The following GNG7 variants were observed in gnomAD, a reference collection of about 807,000 sequenced individuals.
GNG7 encodes the protein guanine nucleotide-binding protein G(I)/G(S)/G(O) subunit gamma-7.
Under a neutral mutation model 4.0 loss-of-function variants are expected in GNG7, and 1 was observed. The ratio of observed to expected loss-of-function variants is 0.25; its 90% CI spans 0.09 to 1.18. The LOEUF (loss-of-function observed/expected upper bound fraction) is 1.18. Among genes scored for constraint, GNG7 ranks in the 50% most tolerant of loss-of-function variants. The probability of loss-of-function intolerance (pLI) is 0.50; values close to 1 mark genes in which losing one functional copy is unlikely to be tolerated. For synonymous variants in GNG7, 34 were observed against 36.9 expected (o/e 0.92, Z 0.29); for missense variants, 86 against 91.9 (o/e 0.94, Z 0.26).
chr19:2,584,966 AGGAGGGAGGGAGGGAT>A (rs1980621347), intron 2 of GNG7, among the ~76,000 whole-genome samples: 1 of 66,084 alleles, frequency 1.5e-5, no homozygotes, highest in South Asian at 7.8e-4. Context: ...GAAAGAAGGA[AGGAGGGAGGGAGGGAT>A]GGAGGGAGGG....
At chr19:2,606,240 G>A (rs1005254949) in intron 2 of GNG7, among the ~76,000 whole-genome samples, 8 of 151,990 alleles carry the variant, frequency 5.3e-5, no homozygotes, top group African/African-American at 1.4e-4. Flanking sequence ...TTAGCTGGGC[G>A]TGGTGGTGTG....
At position 2,557,292 on chromosome 19, in the gene GNG7, CAG is replaced by C. The variant is rs1013157155; in HGVS notation, c.-77-2106_-77-2105del. Reference sequence around the variant, plus strand: ...TTGCACACACAGACACGTGCACACACAGAGGTGCACATACACGCACAGACACA... The same window carrying C: ...TTGCACACACAGACACGTGCACACACAGGTGCACATACACGCACAGACACA... On this transcript the variant is annotated intron_variant, in intron 2 of 4. Transcript: ENST00000382159. This position sits in a 1 kb window ranked among gnomAD's most constrained non-coding sequence, Gnocchi z 5.1. Among the ~76,000 whole-genome samples the C allele has an allele frequency of 1.6e-4, 25 of 151,638 alleles. No homozygotes were observed. Among genetic ancestry groups the C allele is most frequent in the African/African-American group, 4.9e-4 (20 of 41,234 alleles).
At chr19:2,599,931 C>A in intron 2 of GNG7, among the ~76,000 whole-genome samples, 1 of 146,384 alleles carries the variant, frequency 6.8e-6, no homozygotes, top group African/African-American at 2.5e-5. Context: ...AGCAAGACTC[C>A]ATCTCAAAAA....
At chr19:2,663,233 C>A (rs1983222558) in intron 1 of GNG7, among the ~76,000 whole-genome samples, 1 of 152,120 alleles carries the variant, frequency 6.6e-6, no homozygotes, top group African/African-American at 2.4e-5. Context: ...CTTTAATTCC[C>A]AATGCCACCA....
intron 2 of GNG7, among the ~76,000 whole-genome samples, chr19:2,571,152 C>T (rs1012784055): frequency 1.3e-5 from 2 of 148,954 alleles, no homozygotes; most frequent in Non-Finnish European, 3.0e-5. Context: ...AACAGGATTC[C>T]ACCCTGGCCT....
intron 1 of GNG7, among the ~76,000 whole-genome samples, chr19:2,650,730 G>A (rs1167749496): frequency 6.6e-6 from 1 of 152,202 alleles, no homozygotes; most frequent in South Asian, 2.1e-4. Flanking sequence ...ACCAGCTGGC[G>A]CCAGGCTGTC....
chr19:2,522,048 C>G (rs1568230375), intron 3 of GNG7, among the ~76,000 whole-genome samples: 1 of 152,142 alleles, frequency 6.6e-6, no homozygotes, highest in Non-Finnish European at 1.5e-5. Context: ...CCCCAGATCT[C>G]ATCTGGGGAT....
rs1982052418 is a variant in GNG7 at position 2,627,573 on chromosome 19, T to C, written c.-78+18651A>G. On this transcript the variant is annotated intron_variant, in intron 2 of 4. Coordinates refer to ENST00000382159, the MANE Select transcript of GNG7 (RefSeq NM_052847.3). ...TGGCTTTCTGTCACTCCCGGCTGAT[T>C]CTGAATTCCCAGTCTCACATGGGCC... 2.0e-5 allele frequency among the ~76,000 whole-genome samples: 3 copies of C among 152,236 alleles called. No individual in the cohort carries two copies. In the South Asian group the frequency reaches 6.2e-4, roughly 31 times the overall value.
intron 3 of GNG7, among the ~76,000 whole-genome samples, chr19:2,525,399 T>C (rs1361032569): frequency 6.6e-6 from 1 of 152,160 alleles, no homozygotes; most frequent in East Asian, 1.9e-4. Flanking sequence ...GCTGGCCTCC[T>C]AGCAAAAGGC....
At position 2,517,522 on chromosome 19, in the gene GNG7, G is replaced by T. The variant is rs149414445; in HGVS notation, c.82-2375C>A. Among the ~76,000 whole-genome samples, 411 of 152,120 alleles carry T rather than the reference G, an allele frequency of 2.7e-3. 3 individuals are homozygous for T. Among genetic ancestry groups the T allele is most frequent in the African/African-American group, 9.1e-3 (379 of 41,526 alleles). ...TGGGACTCCAGGCGCACGCCACCAC[G>T]CCAGGGTAATTTTTGTATTTTTAGT... On this transcript the variant is annotated intron_variant, in intron 4 of 4. Transcript: ENST00000382159.
intron 1 of GNG7, among the ~76,000 whole-genome samples, chr19:2,689,394 G>A (rs1230563392): frequency 1.3e-5 from 2 of 151,686 alleles, no homozygotes; most frequent in East Asian, 1.9e-4. Context: ...AGGCCAAGGC[G>A]GGTGGATCAC....
chr19:2,598,401 T>C (rs1981092440), intron 2 of GNG7, among the ~76,000 whole-genome samples: 1 of 152,080 alleles, frequency 6.6e-6, no homozygotes, highest in Non-Finnish European at 1.5e-5. Flanking sequence ...CTCACGCCTG[T>C]ACTCCCAGCA....
intron 1 of GNG7, among the ~76,000 whole-genome samples, chr19:2,654,326 T>A (rs1233164844): frequency 6.8e-6 from 1 of 146,826 alleles, no homozygotes; most frequent in East Asian, 2.0e-4. Context: ...ACAGCACGGG[T>A]CCCCCTCCCA....
At chr19:2,674,198 G>C (rs960128088) in intron 1 of GNG7, among the ~76,000 whole-genome samples, 2 of 131,258 alleles carry the variant, frequency 1.5e-5, no homozygotes, top group Admixed American at 7.4e-5. Context: ...CTGGGAGCCA[G>C]AGGTTGCGGT....
At chr19:2,604,105 C>T (rs112952480) in intron 2 of GNG7, among the ~76,000 whole-genome samples, 1 of 152,022 alleles carries the variant, frequency 6.6e-6, no homozygotes, top group African/African-American at 2.4e-5. Flanking sequence ...CCGCCTCGGC[C>T]CCCCAAAGTG....
At chr19:2,654,119 C>A (rs1034669162) in intron 1 of GNG7, among the ~76,000 whole-genome samples, 1 of 151,878 alleles carries the variant, frequency 6.6e-6, no homozygotes, top group Non-Finnish European at 1.5e-5. Context: ...GGTCTCCATG[C>A]AGAGGAAGGT....
At chr19:2,591,453 G>GT (rs59564767) in intron 2 of GNG7, among the ~76,000 whole-genome samples, 2 of 123,782 alleles carry the variant, frequency 1.6e-5, no homozygotes, top group African/African-American at 2.9e-5. Context: ...AAAATAAAGG[G>GT]TTTTTTTTTT....
At position 2,514,976 on chromosome 19, in the gene GNG7, G is replaced by C; in HGVS notation, c.*46C>G. The stretch of plus-strand genomic sequence containing the variant: ...TGAGACAGAGACAGAGACAGAGAGA[G>C]AGAGAGAGAAAGAGAGAGAGAGAGA... On this transcript the variant is annotated 3_prime_UTR_variant, in exon 5 of 5. Transcript: ENST00000382159. 1 of 1,483,000 alleles carries C rather than the reference G, an allele frequency of 6.7e-7. No individual in the cohort carries two copies. The highest frequency in any genetic ancestry group is 9.4e-7 in the Non-Finnish European group (1 of 1,062,454). 91.9% of individuals were successfully genotyped at this position (1,483,000 alleles called of 1,614,324 possible).
chr19:2,550,912 G>T (rs1353688390), intron 3 of GNG7, among the ~76,000 whole-genome samples: 1 of 152,210 alleles, frequency 6.6e-6, no homozygotes, highest in Non-Finnish European at 1.5e-5. Context: ...CAGTGGTGGG[G>T]ATGGCCCGGC....
Sources: allele counts gnomAD v4.1 joint callset (sites outside exome capture counted in the v4.1 genomes callset), GRCh38; gene constraint gnomAD v4.1.1; non-coding constraint Gnocchi (gnomAD v3.1); transcripts MANE v1.5; gene names NCBI Gene and HGNC (gene_info 2026-07-23, HGNC 2026-07-21).